Variants in CPAMD8 observed in about 807,000 individuals in gnomAD.
CPAMD8 encodes C3 and PZP-like alpha-2-macroglobulin domain-containing protein 8.
Under a neutral mutation model 224.7 loss-of-function variants are expected in CPAMD8, and 146 were observed. The ratio of observed to expected loss-of-function variants is 0.65; its 90% CI spans 0.57 to 0.75. CPAMD8 has a LOEUF of 0.75. Among genes scored for constraint, CPAMD8 ranks in the 30% least tolerant of loss-of-function variants. The probability of loss-of-function intolerance (pLI) is 0.00; values close to 1 mark genes in which losing one functional copy is unlikely to be tolerated. For synonymous variants in CPAMD8, 966 were observed against 1,044.6 expected, an observed-to-expected ratio of 0.92 and a Z score of 1.45; for missense variants, 2,301 against 2,537.5, an observed-to-expected ratio of 0.91 and a Z score of 2.00.
intron 27 of CPAMD8, among the ~76,000 whole-genome samples, chr19:16,916,890 A>T (rs576192299): frequency 6.6e-6 from 1 of 152,236 alleles, no homozygotes; most frequent in South Asian, 2.1e-4. Context: ...CATGGCTCCC[A>T]GGCTCATCCC....
chr19:16,977,889 T>C (rs537318773), intron 14 of CPAMD8, among the ~76,000 whole-genome samples: 2 of 152,210 alleles, frequency 1.3e-5, no homozygotes, highest in African/African-American at 4.8e-5. Context: ...CCACTGCAGC[T>C]CCCCAATATG....
In CPAMD8 at chr19:16,914,412, T is replaced by A. The variant is rs186183261; in HGVS notation, c.3861+12A>T. 4 of 1,613,276 alleles carry A rather than the reference T, an allele frequency of 2.5e-6. No individual in the cohort carries two copies. The highest frequency in any genetic ancestry group is 2.5e-6 in the Non-Finnish European group (3 of 1,179,346). ...CCAGCCCCGAGTCTCCCCAAACCCC[T>A]TCTGTACTCACCTCTGAGGCTGTGC... On this transcript the variant is annotated intron_variant, in intron 29 of 41. Coordinates refer to ENST00000443236, the MANE Select transcript of CPAMD8 (RefSeq NM_015692.5).
At chr19:17,006,531 GA>G (rs112672091) in intron 7 of CPAMD8, among the ~76,000 whole-genome samples, 24,264 of 134,448 alleles carry the variant, frequency 0.18, 1,980 homozygotes, top group Admixed American at 0.23. Context: ...TGCCTCTTGA[GA>G]AAAAAAAAAA....
At chr19:16,984,505 G>C (rs986171892) in intron 13 of CPAMD8, among the ~76,000 whole-genome samples, 1 of 152,022 alleles carries the variant, frequency 6.6e-6, no homozygotes, top group Non-Finnish European at 1.5e-5. Flanking sequence ...TTTGAGATGT[G>C]GCATCGGAAG....
chr19:17,011,544 A>G (rs186674447), intron 4 of CPAMD8, 28 bp from the exon 5 acceptor site: 427 of 1,613,934 alleles, frequency 2.6e-4, no homozygotes, highest in Admixed American at 5.3e-4. Flanking sequence ...GGCGTGTGAC[A>G]CCTCCAGACC....
intron 10 of CPAMD8, among the ~76,000 whole-genome samples, chr19:16,998,668 T>C (rs1256599088): frequency 6.6e-6 from 1 of 152,100 alleles, no homozygotes; most frequent in Non-Finnish European, 1.5e-5. Context: ...TGTTGTACTG[T>C]AGCCCACTCA....
intron 3 of CPAMD8, among the ~76,000 whole-genome samples, chr19:17,016,048 ATCC>A (rs2056803315): frequency 6.6e-6 from 1 of 152,110 alleles, no homozygotes; most frequent in East Asian, 1.9e-4. Context: ...GACTCAAGCA[ATCC>A]TCCTACCTTG....
intron 14 of CPAMD8, among the ~76,000 whole-genome samples, chr19:16,978,624 G>A (rs778240736): frequency 3.9e-5 from 6 of 152,122 alleles, no homozygotes; most frequent in Admixed American, 1.3e-4. Flanking sequence ...ACTGGCTTCC[G>A]GTGAATAGAA....
At chr19:16,922,130 C>T (rs766500871) in intron 26 of CPAMD8, 144 bp from the exon 27 acceptor site, 5 of 606,482 alleles carry the variant, frequency 8.2e-6, no homozygotes, top group Non-Finnish European at 1.5e-5. Context: ...CCTCGAATCA[C>T]ATCTGGAGTC....
At chr19:16,902,114 G>T (rs141369107) in intron 35 of CPAMD8, among the ~76,000 whole-genome samples, 1 of 152,228 alleles carries the variant, frequency 6.6e-6, no homozygotes, top group African/African-American at 2.4e-5. Context: ...TCTGGTGCTG[G>T]TGTTATCGGG....
intron 11 of CPAMD8, 94 bp from the exon 12 acceptor site, chr19:16,993,680 C>A: frequency 8.4e-7 from 1 of 1,191,966 alleles, no homozygotes; most frequent in Non-Finnish European, 1.2e-6. Flanking sequence ...GGAATCCCAG[C>A]AGGCTTCTTT....
intron 36 of CPAMD8, among the ~76,000 whole-genome samples, 197 bp downstream of exon 36, chr19:16,901,013 A>G (rs1380376788): frequency 1.4e-5 from 2 of 139,694 alleles, no homozygotes; most frequent in African/African-American, 2.6e-5. Flanking sequence ...GAGCAAGACT[A>G]TGTCAAAAAA....
At chr19:16,930,089 T>C (rs1477387592) in intron 23 of CPAMD8, among the ~76,000 whole-genome samples, 12 of 151,954 alleles carry the variant, frequency 7.9e-5, no homozygotes, top group Admixed American at 7.9e-4. Context: ...ACTCCGTCTC[T>C]ACTAAAAAGA....
intron 29 of CPAMD8, among the ~76,000 whole-genome samples, chr19:16,911,297 G>A (rs963138802): frequency 6.6e-6 from 1 of 152,070 alleles, no homozygotes; most frequent in Non-Finnish European, 1.5e-5. Flanking sequence ...GATTCTCGTG[G>A]GAGCATGAAC....
intron 10 of CPAMD8, among the ~76,000 whole-genome samples, chr19:16,999,212 T>A (rs1376331444): frequency 6.6e-6 from 1 of 151,950 alleles, no homozygotes; most frequent in African/African-American, 2.4e-5. Flanking sequence ...ACATGAAGGA[T>A]GTATGGAAGG....
Position 16,914,775 on chromosome 19 carries a change from C to T in CPAMD8, c.3668G>A (p.Arg1223His), listed in dbSNP as rs202014738. The change falls in exon 28 of 42, where the codon CGC (arginine) becomes CAC (histidine). Residue 1223 changes from arginine (R) to histidine (H), a missense_variant. By Grantham distance (29) the Arg-to-His change is conservative. Coordinates refer to ENST00000443236, the MANE Select transcript of CPAMD8 (RefSeq NM_015692.5). ...CCGGGGGTCCACGAAGATAAAGCTG[C>T]GAGCCTGTGCGAAGGACTTCAGGAC... ...AFVLKSFAQARSFIFVDPREL... is the reference protein window; with the variant it reads ...AFVLKSFAQAHSFIFVDPREL... 2.0e-5 allele frequency: 33 copies of T among 1,613,628 alleles called. 1 individual carries two copies. Among genetic ancestry groups the T allele is most frequent in the South Asian group, 1.5e-4 (14 of 91,028 alleles).
chr19:16,959,793 C>T (rs1169998617), intron 18 of CPAMD8, among the ~76,000 whole-genome samples: 3 of 152,088 alleles, frequency 2.0e-5, no homozygotes, highest in Non-Finnish European at 2.9e-5. Flanking sequence ...CCCACCTCAG[C>T]CTCTCAAAGT....
In CPAMD8 at chr19:16,903,468, C is replaced by T. The variant is rs976895962; in HGVS notation, c.4470+93G>A. 60 of 1,580,026 alleles carry T rather than the reference C, an allele frequency of 3.8e-5. 1 individual carries two copies. The Middle Eastern group carries it at 6.7e-4, about 18-fold the overall frequency. ...CTGGCATGCTGCTGAGTTCAGAACC[C>T]TCTGGGGGTCCCTGGGGTTCCACTG... On this transcript the variant is annotated intron_variant, in intron 34 of 41. Coordinates refer to ENST00000443236, the MANE Select transcript of CPAMD8 (RefSeq NM_015692.5).
At chr19:17,018,884 G>A (rs1364108803) in intron 3 of CPAMD8, among the ~76,000 whole-genome samples, 1 of 146,622 alleles carries the variant, frequency 6.8e-6, no homozygotes, top group East Asian at 2.0e-4. Context: ...CTCCAGCCTG[G>A]GAGACAGAGT....
Sources: allele counts gnomAD v4.1 joint callset (sites outside exome capture counted in the v4.1 genomes callset), GRCh38; gene constraint gnomAD v4.1.1; transcripts MANE v1.5; gene names NCBI Gene and HGNC (gene_info 2026-07-23, HGNC 2026-07-21).